FYN: variants seen among roughly 807,000 people sequenced by gnomAD.
The protein encoded by FYN is tyrosine-protein kinase Fyn.
A neutral mutation model predicts 70.2 loss-of-function variants in FYN; 10 were observed. The ratio of observed to expected loss-of-function variants is 0.14; its 90% CI spans 0.09 to 0.24. FYN has a LOEUF of 0.24. FYN is among the 10% of genes least tolerant of loss of function. The pLI is 1.00. For missense variants in FYN, 319 were observed against 673.1 expected (o/e 0.47, Z 5.82); for synonymous variants, 236 against 248.6 (o/e 0.95, Z 0.48).
chr6:111,728,201 T>C (rs1487580489), intron 3 of FYN, among the ~76,000 whole-genome samples: 1 of 152,190 alleles, frequency 6.6e-6, no homozygotes, highest in Non-Finnish European at 1.5e-5. Context: ...AAGGATGATA[T>C]GTTTTAACCC....
intron 3 of FYN, among the ~76,000 whole-genome samples, chr6:111,760,526 C>A (rs1478875477): frequency 6.6e-6 from 1 of 152,186 alleles, no homozygotes; most frequent in African/African-American, 2.4e-5. Context: ...AATGGCAAAC[C>A]AGCTCCCCTG....
At chr6:111,767,724 G>A (rs1027919809) in intron 3 of FYN, among the ~76,000 whole-genome samples, 7 of 152,238 alleles carry the variant, frequency 4.6e-5, no homozygotes, top group Non-Finnish European at 4.4e-5. Flanking sequence ...TGAAAATTAC[G>A]TGTGTACTCT....
chr6:111,735,987 G>A (rs912403411), intron 3 of FYN, among the ~76,000 whole-genome samples: 4 of 152,226 alleles, frequency 2.6e-5, no homozygotes, highest in Non-Finnish European at 4.4e-5. Flanking sequence ...GGCTTGCACA[G>A]TTGTGTAAGT....
intron 2 of FYN, among the ~76,000 whole-genome samples, chr6:111,783,891 G>A (rs1771267899): frequency 6.6e-6 from 1 of 152,190 alleles, no homozygotes; most frequent in African/African-American, 2.4e-5. Flanking sequence ...CCTCACCCAA[G>A]CCAACTGAAT....
At chr6:111,690,159 A>G (rs1385971253) in intron 12 of FYN, among the ~76,000 whole-genome samples, 1 of 151,736 alleles carries the variant, frequency 6.6e-6, no homozygotes, top group Non-Finnish European at 1.5e-5. Context: ...GACATTGCCT[A>G]TGTCGGGGGT....
chr6:111,733,730 G>A lies in FYN; in HGVS notation c.-11-13668C>T, dbSNP rs147351234. 2.1e-3 allele frequency among the ~76,000 whole-genome samples: 326 copies of A among 152,320 alleles called. 2 individuals carry two copies. Among genetic ancestry groups the A allele is most frequent in the African/African-American group, 7.6e-3 (314 of 41,570 alleles). Reference sequence around the variant, plus strand: ...TAGCCTGGAACCAGGCTGCTGAGTAGCCCCGTGGCACAAAGCGTGTCACTC... The same window carrying A: ...TAGCCTGGAACCAGGCTGCTGAGTAACCCCGTGGCACAAAGCGTGTCACTC... On this transcript the variant is annotated intron_variant, in intron 3 of 13. Transcript: ENST00000354650.
At chr6:111,702,259 T>C (rs1323542139) in intron 8 of FYN, among the ~76,000 whole-genome samples, 1 of 152,216 alleles carries the variant, frequency 6.6e-6, no homozygotes, top group Non-Finnish European at 1.5e-5. Flanking sequence ...GCATATCTAA[T>C]AATTATATGT....
chr6:111,772,512 A>G (rs901261279), intron 3 of FYN, among the ~76,000 whole-genome samples: 3 of 152,168 alleles, frequency 2.0e-5, no homozygotes, highest in African/African-American at 7.2e-5. Flanking sequence ...CATCTTACCC[A>G]AGAGATGAAA....
intron 1 of FYN, among the ~76,000 whole-genome samples, chr6:111,862,601 CA>C (rs1773992971): frequency 6.6e-6 from 1 of 152,078 alleles, no homozygotes; most frequent in Admixed American, 6.5e-5. Flanking sequence ...GGTGGACAGT[CA>C]AAAAGGGGAG....
At chr6:111,813,116 T>C (rs914971032) in intron 2 of FYN, among the ~76,000 whole-genome samples, 3 of 152,350 alleles carry the variant, frequency 2.0e-5, no homozygotes. Context: ...TGTAAAATCA[T>C]GGACTTACTG....
intron 2 of FYN, among the ~76,000 whole-genome samples, chr6:111,828,205 G>A (rs1465339258): frequency 6.6e-6 from 1 of 152,126 alleles, no homozygotes; most frequent in Non-Finnish European, 1.5e-5. Context: ...GGAGCAAGCA[G>A]AAATTGCTTA....
At chr6:111,788,846 G>C (rs567312244) in intron 2 of FYN, among the ~76,000 whole-genome samples, 5 of 152,166 alleles carry the variant, frequency 3.3e-5, no homozygotes, top group African/African-American at 1.2e-4. Flanking sequence ...GACTGACTGT[G>C]GCCTTCCCTT....
At chr6:111,769,566 T>C (rs1373983997) in intron 3 of FYN, among the ~76,000 whole-genome samples, 1 of 152,102 alleles carries the variant, frequency 6.6e-6, no homozygotes, top group Non-Finnish European at 1.5e-5. Context: ...ATTTGACTAG[T>C]TGGAAAAAAG....
At chr6:111,810,657 G>A (rs1316517518) in intron 2 of FYN, among the ~76,000 whole-genome samples, 3 of 151,740 alleles carry the variant, frequency 2.0e-5, no homozygotes, top group African/African-American at 7.3e-5. Flanking sequence ...TTACAAATAC[G>A]AGTGTGAAGC....
Position 111,714,509 on chromosome 6 carries a change from A to T in FYN, c.248-66T>A. The stretch of plus-strand genomic sequence containing the variant: ...AGGGGAAATTAATTCCAAGAAATTA[A>T]ATCTTCACTAAAATCTCATTCTCAC... On this transcript the variant is annotated intron_variant, in intron 4 of 13. Coordinates refer to ENST00000354650, the MANE Select transcript of FYN (RefSeq NM_002037.5). 3 of 1,115,868 alleles carry T rather than the reference A, an allele frequency of 2.7e-6. No homozygotes were observed. In the Admixed American group the frequency reaches 5.2e-5, roughly 19 times the overall value. The allele number at this position is 1,115,868 out of a possible 1,614,324, so 69.1% of individuals were successfully genotyped here. A position where few individuals can be genotyped will look rare whatever the true frequency, so the allele number is the denominator to read the frequency against.
intron 1 of FYN, among the ~76,000 whole-genome samples, chr6:111,849,628 T>C (rs1409546438): frequency 6.6e-6 from 1 of 152,146 alleles, no homozygotes; most frequent in Non-Finnish European, 1.5e-5. Context: ...CGGTGTACAG[T>C]AGCTAAGAAG....
At chr6:111,677,270 T>C (rs1001504032) in intron 12 of FYN, among the ~76,000 whole-genome samples, 1 of 152,236 alleles carries the variant, frequency 6.6e-6, no homozygotes, top group Non-Finnish European at 1.5e-5. Context: ...AGCTTCTTTA[T>C]AGATAACTCA....
At chr6:111,868,344 A>T (rs1011407939) in intron 1 of FYN, among the ~76,000 whole-genome samples, 3 of 152,210 alleles carry the variant, frequency 2.0e-5, no homozygotes, top group African/African-American at 7.2e-5. Context: ...CTGTTAAATG[A>T]GTAAGTATGT....
At chr6:111,743,182 G>A (rs1694450699) in intron 3 of FYN, among the ~76,000 whole-genome samples, 1 of 152,112 alleles carries the variant, frequency 6.6e-6, no homozygotes, top group South Asian at 2.1e-4. Flanking sequence ...GGCCAGGCTG[G>A]TCTTGAACTC....
Sources: gnomAD v4.1 joint callset for allele counts (sites outside exome capture counted in the v4.1 genomes callset) on GRCh38, gnomAD v4.1.1 for gene constraint, MANE v1.5 for transcripts, NCBI Gene and HGNC (gene_info 2026-07-23, HGNC 2026-07-21) for gene names.